Variants in NALF1 observed in about 807,000 individuals in gnomAD.
NALF1 encodes family with sequence similarity 155 member A.
Under a neutral mutation model 48.4 loss-of-function variants are expected in NALF1, and 3 were observed. The ratio of observed to expected loss-of-function variants is 0.06; its 90% CI spans 0.03 to 0.16. NALF1 has a LOEUF of 0.16. Ranked by LOEUF, NALF1 falls within the 10% of genes least tolerant of loss-of-function variation. The probability of loss-of-function intolerance (pLI) is 1.00; values close to 1 mark genes in which losing one functional copy is unlikely to be tolerated. For synonymous variants in NALF1, 262 were observed against 245.7 expected (o/e 1.07, Z -0.62); for missense variants, 526 against 571.5 (o/e 0.92, Z 0.81).
intron 2 of NALF1, among the ~76,000 whole-genome samples, chr13:107,192,452 G>T (rs1879303069): frequency 1.3e-5 from 2 of 152,112 alleles, no homozygotes; most frequent in Admixed American, 1.3e-4. Context: ...ATTGACAAAG[G>T]CTTGAGTCAA....
intron 1 of NALF1, among the ~76,000 whole-genome samples, chr13:107,358,775 C>T (rs1032089051): frequency 3.9e-5 from 6 of 152,042 alleles, no homozygotes; most frequent in Non-Finnish European, 5.9e-5. Flanking sequence ...ACAATATGCA[C>T]GAGTGAAATG....
chr13:107,769,824 T>A (rs1039410297), intron 1 of NALF1, among the ~76,000 whole-genome samples: 5 of 152,220 alleles, frequency 3.3e-5, no homozygotes, highest in Non-Finnish European at 5.9e-5. Context: ...TAAAGTATAA[T>A]GGGTTACCAT....
At chr13:107,687,599 T>C (rs1201633963) in intron 1 of NALF1, among the ~76,000 whole-genome samples, 1 of 151,896 alleles carries the variant, frequency 6.6e-6, no homozygotes, top group African/African-American at 2.4e-5. Flanking sequence ...ATATGTCTTA[T>C]GTCTTATATA....
At chr13:107,374,582 T>C (rs1883303730) in intron 1 of NALF1, among the ~76,000 whole-genome samples, 1 of 113,554 alleles carries the variant, frequency 8.8e-6, no homozygotes, top group African/African-American at 2.8e-5. Flanking sequence ...AATGAGACGC[T>C]AAGACTTACC....
intron 1 of NALF1, among the ~76,000 whole-genome samples, chr13:107,774,727 T>G (rs949878374): frequency 6.6e-6 from 1 of 152,158 alleles, no homozygotes; most frequent in African/African-American, 2.4e-5. Flanking sequence ...GTGGAGAAAA[T>G]AGCTCTTTTT....
At chr13:107,445,278 G>A (rs1215572669) in intron 1 of NALF1, among the ~76,000 whole-genome samples, 1 of 152,082 alleles carries the variant, frequency 6.6e-6, no homozygotes, top group East Asian at 1.9e-4. Context: ...ACCTAATCTA[G>A]TCTTCAGTTT....
intron 1 of NALF1, among the ~76,000 whole-genome samples, chr13:107,861,919 T>C (rs894853074): frequency 6.6e-6 from 1 of 152,170 alleles, no homozygotes; most frequent in African/African-American, 2.4e-5. Flanking sequence ...GTGATGCAAA[T>C]GAGAAAGCCC....
intron 1 of NALF1, among the ~76,000 whole-genome samples, chr13:107,836,974 C>A (rs1879908617): frequency 6.6e-6 from 1 of 152,160 alleles, no homozygotes; most frequent in Non-Finnish European, 1.5e-5. Flanking sequence ...GAAAATATAT[C>A]TGGGCAAGGA....
chr13:107,381,510 A>G (rs1181822361), intron 1 of NALF1, among the ~76,000 whole-genome samples: 1 of 152,060 alleles, frequency 6.6e-6, no homozygotes, highest in Non-Finnish European at 1.5e-5. Flanking sequence ...ACAGATTTCC[A>G]AAAAAGGGTA....
At chr13:107,603,503 G>A (rs771172258) in intron 1 of NALF1, among the ~76,000 whole-genome samples, 2 of 152,020 alleles carry the variant, frequency 1.3e-5, no homozygotes, top group Non-Finnish European at 2.9e-5. Flanking sequence ...AGTGATACAG[G>A]CTTATTTTTA....
chr13:107,199,172 T>C (rs184826093), intron 2 of NALF1, among the ~76,000 whole-genome samples: 177 of 151,980 alleles, frequency 1.2e-3, no homozygotes, highest in Middle Eastern at 3.4e-3. Flanking sequence ...ACAGATGTCA[T>C]TATTGGACAC....
rs10649905 is a variant in NALF1, at chr13:107,794,471, GTT to G, written c.915+71209_915+71210del. ...TATTGTTCTCTAACTAGCATGCAGT[GTT>G]TTTTTTTTTTATTGCAGGAATTATA... On this transcript the variant is annotated intron_variant, in intron 1 of 2. Transcript: ENST00000375915. Among the ~76,000 whole-genome samples the G allele has an allele frequency of 1.3e-4, 19 of 142,840 alleles. 1 individual carries two copies. The highest frequency in any genetic ancestry group is 2.8e-4 in the Admixed American group (4 of 14,364). The allele number at this position is 142,840 out of a possible 152,430, so 93.7% of individuals were successfully genotyped here.
chr13:107,410,785 A>G (rs1192459489), intron 1 of NALF1, among the ~76,000 whole-genome samples: 2 of 152,194 alleles, frequency 1.3e-5, no homozygotes, highest in Non-Finnish European at 1.5e-5. Flanking sequence ...GCCATAAAAG[A>G]CAAGGACAAT....
Position 107,425,247 on chromosome 13 carries a change from A to G in NALF1, c.916-214492T>C, listed in dbSNP as rs544366927. On this transcript the variant is annotated intron_variant, in intron 1 of 2. Transcript: ENST00000375915. ...AACTCAGTTGTGGGTGAAAATTTAG[A>G]TATGTTCTTCCTGTTAGTAATTCAT... Among the ~76,000 whole-genome samples, 3 of 152,308 alleles carry G rather than the reference A, an allele frequency of 2.0e-5. No homozygotes were observed. The South Asian group carries it at 6.2e-4, about 32-fold the overall frequency.
chr13:107,575,209 A>T (rs1293099457), intron 1 of NALF1, among the ~76,000 whole-genome samples: 1 of 152,124 alleles, frequency 6.6e-6, no homozygotes, highest in Non-Finnish European at 1.5e-5. Flanking sequence ...ACTTTGGTGA[A>T]TTTTTCACCT....
intron 1 of NALF1, among the ~76,000 whole-genome samples, chr13:107,297,384 A>T (rs895626524): frequency 1.3e-5 from 2 of 152,172 alleles, no homozygotes; most frequent in Non-Finnish European, 2.9e-5. Context: ...TGTACAATTA[A>T]TTTATGTCTG....
At chr13:107,488,208 CA>C (rs1331307342) in intron 1 of NALF1, among the ~76,000 whole-genome samples, 1,847 of 135,678 alleles carry the variant, frequency 0.014, 38 homozygotes, top group African/African-American at 0.045. Context: ...ACTTTTTTTT[CA>C]AAAAAAAAAA....
chr13:107,566,966 G>A (rs1235671549), intron 1 of NALF1, among the ~76,000 whole-genome samples: 3 of 151,954 alleles, frequency 2.0e-5, no homozygotes, highest in Non-Finnish European at 4.4e-5. Flanking sequence ...TGATGCCAGG[G>A]TTCATTTTAT....
At chr13:107,694,253 G>A (rs1451520840) in intron 1 of NALF1, among the ~76,000 whole-genome samples, 1 of 152,058 alleles carries the variant, frequency 6.6e-6, no homozygotes, top group African/African-American at 2.4e-5. Context: ...AAATCAATTG[G>A]CAAGTTATCT....
Sources: gnomAD v4.1 joint callset for allele counts (sites outside exome capture counted in the v4.1 genomes callset) on GRCh38, gnomAD v4.1.1 for gene constraint, MANE v1.5 for transcripts, NCBI Gene and HGNC (gene_info 2026-07-23, HGNC 2026-07-21) for gene names.